MPRIP: variants seen among roughly 807,000 people sequenced by gnomAD.
The protein encoded by MPRIP is myosin phosphatase Rho interacting protein, also known as myosin phosphatase Rho-interacting protein.
A neutral mutation model predicts 234.9 loss-of-function variants in MPRIP; 59 were observed. That is an observed-to-expected ratio of 0.25 (90% CI 0.20 to 0.31). MPRIP has a LOEUF of 0.31. MPRIP is among the 10% of genes least tolerant of loss of function. MPRIP has a pLI of 1.00. For synonymous variants in MPRIP, 1,144 were observed against 1,263.9 expected, an observed-to-expected ratio of 0.91 and a Z score of 2.01; for missense variants, 2,436 against 3,071.0, an observed-to-expected ratio of 0.79 and a Z score of 4.89.
Position 17,137,987 on chromosome 17 carries a change from C to T in MPRIP, c.808C>T (p.Leu270=). The change falls in exon 7 of 24, where the codon CTG becomes TTG. Residue 270 remains leucine, a synonymous_variant. Coordinates refer to ENST00000651222, the MANE Select transcript of MPRIP (RefSeq NM_001364716.4). ...CCGGGTGGAGAGCGGCTACTTCTCT[C>T]TGGAGAAGACCAAACAGGACTTGAA... The part of the protein sequence containing the change: ...KVRVESGYFS[L]EKTKQDLKAE... The T allele has an allele frequency of 3.1e-6, 5 of 1,612,836 alleles. No homozygotes were observed. The highest frequency in any genetic ancestry group is 4.2e-6 in the Non-Finnish European group (5 of 1,179,674).
intron 9 of MPRIP, among the ~76,000 whole-genome samples, chr17:17,144,169 C>T (rs2045405047): frequency 6.6e-6 from 1 of 152,216 alleles, no homozygotes; most frequent in South Asian, 2.1e-4. Context: ...GCAAGGCCAA[C>T]TCAGCATGCT....
chr17:17,061,367 A>G (rs559320476), intron 1 of MPRIP, among the ~76,000 whole-genome samples: 2 of 152,252 alleles, frequency 1.3e-5, no homozygotes, highest in East Asian at 3.8e-4. Flanking sequence ...ATTGAAATGC[A>G]GAGAACATTA....
chr17:17,176,341 C>A, intron 20 of MPRIP, 85 bp from the exon 21 acceptor site: 1 of 1,007,748 alleles, frequency 9.9e-7, no homozygotes, highest in Non-Finnish European at 1.6e-6. Context: ...GATTGGAGAG[C>A]CCTCTGCACG....
intron 16 of MPRIP, among the ~76,000 whole-genome samples, chr17:17,169,613 A>G (rs537582822): frequency 6.6e-6 from 1 of 152,376 alleles, no homozygotes; most frequent in African/African-American, 2.4e-5. Context: ...CTGCTGCCTT[A>G]GCTGCCGTTG....
rs750278349 is a variant in MPRIP, at chr17:17,172,709, A to C, written c.6484A>C (p.Met2162Leu). The change falls in exon 18 of 24, where the codon ATG becomes CTG. Residue 2162 changes from methionine to leucine, a missense_variant. This residue lies in a region of MPRIP where 1,998 missense variants were observed against 2,520.3 expected (regional missense o/e 0.79). Coordinates refer to ENST00000651222, the MANE Select transcript of MPRIP (RefSeq NM_001364716.4). ...GTCCTTGCCTGCAGCCATCGAAGCCATGAAGAACGCCCACCGGGAGGAAAT... is the reference window on the plus strand; with the variant it reads ...GTCCTTGCCTGCAGCCATCGAAGCCCTGAAGAACGCCCACCGGGAGGAAAT... Reference protein sequence around the residue: ...TAATISAIEAMKNAHREEMER... With the variant: ...TAATISAIEALKNAHREEMER... 1.2e-6 allele frequency: 2 copies of C among 1,611,226 alleles called. No homozygotes were observed. The highest frequency in any genetic ancestry group is 1.3e-5 in the African/African-American group (1 of 74,954).
chr17:17,086,856 A>C (rs781599397), intron 3 of MPRIP, among the ~76,000 whole-genome samples: 2 of 152,184 alleles, frequency 1.3e-5, no homozygotes, highest in Non-Finnish European at 2.9e-5. Context: ...GGGAGCTTCA[A>C]GATGGATGTT....
At chr17:17,089,689 G>A (rs552959144) in intron 3 of MPRIP, among the ~76,000 whole-genome samples, 15 of 152,150 alleles carry the variant, frequency 9.9e-5, no homozygotes, top group African/African-American at 2.9e-4. Flanking sequence ...TGAGGTGTAG[G>A]CGTGAGAAAC....
intron 3 of MPRIP, among the ~76,000 whole-genome samples, chr17:17,093,893 G>A (rs548149402): frequency 2.6e-5 from 4 of 152,162 alleles, no homozygotes; most frequent in African/African-American, 7.2e-5. Context: ...CTCTTTCATC[G>A]GCCTGGCTCC....
chr17:17,135,399 G>A (rs1016675256), intron 5 of MPRIP, among the ~76,000 whole-genome samples: 7 of 152,224 alleles, frequency 4.6e-5, no homozygotes, highest in Admixed American at 4.6e-4. Context: ...GAGCAAGCAT[G>A]TGCACATGAA....
At chr17:17,137,169 G>C (rs1259947230) in intron 6 of MPRIP, among the ~76,000 whole-genome samples, 2 of 152,104 alleles carry the variant, frequency 1.3e-5, no homozygotes, top group Non-Finnish European at 2.9e-5. Context: ...TATTCACTCT[G>C]TCTCACTTCT....
At chr17:17,101,326 G>A (rs1375954513) in intron 3 of MPRIP, among the ~76,000 whole-genome samples, 3 of 152,232 alleles carry the variant, frequency 2.0e-5, no homozygotes, top group South Asian at 4.1e-4. Flanking sequence ...AGCACTTTGG[G>A]ATGCCAAGGC....
At chr17:17,045,644 G>A (rs567071582) in intron 1 of MPRIP, among the ~76,000 whole-genome samples, 1 of 152,246 alleles carries the variant, frequency 6.6e-6, no homozygotes, top group South Asian at 2.1e-4. Flanking sequence ...GCTTGGAGCA[G>A]TGGAGTTCTT....
intron 3 of MPRIP, among the ~76,000 whole-genome samples, chr17:17,079,333 G>A (rs929204801): frequency 2.6e-5 from 4 of 152,202 alleles, no homozygotes; most frequent in African/African-American, 9.6e-5. Flanking sequence ...GGGGGTTTTT[G>A]CTATGGGAAC....
intron 3 of MPRIP, among the ~76,000 whole-genome samples, chr17:17,083,690 G>A (rs758189403): frequency 6.6e-6 from 1 of 152,214 alleles, no homozygotes; most frequent in Non-Finnish European, 1.5e-5. Flanking sequence ...GGCGAGGCTG[G>A]GAAACCAGTT....
chr17:17,074,513 C>G lies in MPRIP; in HGVS notation c.124-1197C>G, dbSNP rs536815455. ...TAATTCACATATCTTAAGATTCACT[C>G]TCTTAAAGTATACAGTTTGGTGAGT... On this transcript the variant is annotated intron_variant, in intron 1 of 23. Transcript: ENST00000651222. Among the ~76,000 whole-genome samples, 4 of 152,356 alleles carry G rather than the reference C, an allele frequency of 2.6e-5. No homozygotes were observed. The South Asian group carries it at 8.3e-4, about 32-fold the overall frequency.
At chr17:17,057,677 A>G (rs1303599565) in intron 1 of MPRIP, 1 of 718,064 alleles carries the variant, frequency 1.4e-6, no homozygotes, top group Middle Eastern at 2.3e-4. Context: ...GAGCTCACAT[A>G]TATGATGCAC....
chr17:17,062,835 G>A (rs1431182911), intron 1 of MPRIP, among the ~76,000 whole-genome samples: 1 of 152,224 alleles, frequency 6.6e-6, no homozygotes, highest in East Asian at 1.9e-4. Flanking sequence ...GAGTTCTTCA[G>A]GCCCAGGCTC....
chr17:17,165,496 G>T lies in MPRIP; in HGVS notation c.3905G>T (p.Gly1302Val), dbSNP rs1304831224. The change falls in exon 16 of 24, where the codon GGC becomes GTC. Residue 1302 changes from glycine to valine, a missense_variant. This residue lies in a region of MPRIP where 1,998 missense variants were observed against 2,520.3 expected (regional missense o/e 0.79). Coordinates refer to ENST00000651222, the MANE Select transcript of MPRIP (RefSeq NM_001364716.4). ...PKSVEVLDRE[G>V]HQQGTAKLDQ... The stretch of plus-strand genomic sequence containing the variant: ...TCAGTGGAAGTGCTTGACAGGGAGG[G>T]CCATCAGCAGGGCACAGCCAAACTC... The T allele has an allele frequency of 7.7e-7, 1 of 1,304,222 alleles. No individual in the cohort carries two copies. The highest frequency in any genetic ancestry group is 1.0e-6 in the Non-Finnish European group (1 of 988,988). 80.8% of individuals were successfully genotyped at this position (1,304,222 alleles called of 1,614,324 possible). A position where few individuals can be genotyped will look rare whatever the true frequency, so the allele number is the denominator to read the frequency against.
intron 2 of MPRIP, 32 bp from the exon 3 acceptor site, chr17:17,077,979 C>T: frequency 6.2e-7 from 1 of 1,613,214 alleles, no homozygotes; most frequent in South Asian, 1.1e-5. Flanking sequence ...GACCCAGATC[C>T]TCCTAACCAC....
Sources: gnomAD v4.1 joint callset for allele counts (sites outside exome capture counted in the v4.1 genomes callset) on GRCh38, gnomAD v4.1.1 for gene constraint, gnomAD v4.1.1 regional missense constraint, MANE v1.5 for transcripts, NCBI Gene and HGNC (gene_info 2026-07-23, HGNC 2026-07-21) for gene names.